The following TMEM178B variants were observed in gnomAD, a reference collection of about 807,000 sequenced individuals.
TMEM178B encodes the protein transmembrane protein 178B.
TMEM178B carries 5 observed loss-of-function variants against 31.0 expected under a neutral mutation model. That is an observed-to-expected ratio of 0.16 (90% CI 0.08 to 0.34). The LOEUF is 0.34. TMEM178B is among the 10% of genes least tolerant of loss of function. TMEM178B has a pLI of 1.00. For missense variants in TMEM178B, 275 were observed against 400.3 expected, an observed-to-expected ratio of 0.69 and a Z score of 2.67; for synonymous variants, 164 against 164.0, an observed-to-expected ratio of 1.00 and a Z score of 0.00.
At chr7:141,392,655 T>C (rs1800564671) in intron 2 of TMEM178B, among the ~76,000 whole-genome samples, 1 of 152,186 alleles carries the variant, frequency 6.6e-6, no homozygotes, top group African/African-American at 2.4e-5. Context: ...TGGTTGGGTT[T>C]CTTTTTCCAA....
At chr7:141,137,924 G>A (rs1383878268) in intron 1 of TMEM178B, among the ~76,000 whole-genome samples, 1 of 152,160 alleles carries the variant, frequency 6.6e-6, no homozygotes, top group Non-Finnish European at 1.5e-5. Context: ...GTTGTATGAT[G>A]GAAGGGGGCT....
intron 2 of TMEM178B, among the ~76,000 whole-genome samples, chr7:141,385,276 T>C (rs954919591): frequency 1.3e-5 from 2 of 152,206 alleles, no homozygotes; most frequent in Non-Finnish European, 2.9e-5. Flanking sequence ...TCAAACAGTA[T>C]GTTGAAAGAA....
intron 1 of TMEM178B, among the ~76,000 whole-genome samples, chr7:141,103,278 AG>A (rs1290795144): frequency 6.6e-6 from 1 of 152,164 alleles, no homozygotes; most frequent in Non-Finnish European, 1.5e-5. Flanking sequence ...TAGGAAAGAG[AG>A]GGGCAGTTGA....
At chr7:141,417,892 A>G (rs902052356) in intron 2 of TMEM178B, among the ~76,000 whole-genome samples, 10 of 152,180 alleles carry the variant, frequency 6.6e-5, no homozygotes, top group African/African-American at 2.4e-4. Context: ...ACTGAGGCCC[A>G]ATGATATTAA....
chr7:141,335,555 C>T (rs899908289), intron 2 of TMEM178B, among the ~76,000 whole-genome samples: 3 of 152,126 alleles, frequency 2.0e-5, no homozygotes, highest in Non-Finnish European at 4.4e-5. Context: ...CACCCAAATT[C>T]CCCCAGCTCA....
intron 2 of TMEM178B, among the ~76,000 whole-genome samples, chr7:141,358,404 T>TA (rs1412524270): frequency 6.6e-6 from 1 of 152,198 alleles, no homozygotes; most frequent in African/African-American, 2.4e-5. Context: ...AAGAAACCTC[T>TA]ATGTCTTTTC....
chr7:141,109,873 C>T (rs1197165769), intron 1 of TMEM178B, among the ~76,000 whole-genome samples: 1 of 151,940 alleles, frequency 6.6e-6, no homozygotes, highest in Non-Finnish European at 1.5e-5. Flanking sequence ...TCAAGGAGTT[C>T]AAGGCTGCAG....
At position 141,477,213 on chromosome 7, in the gene TMEM178B, C is replaced by T. The variant is rs1406104445; in HGVS notation, c.*6427C>T. The T allele has an allele frequency of 1.3e-5, 2 of 154,850 alleles. No homozygotes were observed. The allele number at this position is 154,850 out of a possible 1,614,324, so 9.6% of individuals were successfully genotyped here. A position where few individuals can be genotyped will look rare whatever the true frequency, so the allele number is the denominator to read the frequency against. On this transcript the variant is annotated 3_prime_UTR_variant, in exon 4 of 4. Coordinates refer to ENST00000565468, the MANE Select transcript of TMEM178B (RefSeq NM_001195278.2). ...TGAACTCATTCTCATACTCCTTCCC[C>T]ATTTCCACCCATGGTGTGACTGTTT...
At chr7:141,272,598 C>T (rs1208959153) in intron 2 of TMEM178B, among the ~76,000 whole-genome samples, 1 of 152,166 alleles carries the variant, frequency 6.6e-6, no homozygotes, top group Non-Finnish European at 1.5e-5. Flanking sequence ...CCTGAGAGCC[C>T]CAGTGCTGGG....
At chr7:141,186,545 T>C (rs1796612584) in intron 1 of TMEM178B, among the ~76,000 whole-genome samples, 1 of 152,232 alleles carries the variant, frequency 6.6e-6, no homozygotes, top group African/African-American at 2.4e-5. Context: ...TTGTTTGTTT[T>C]CCTTGACACC....
At chr7:141,114,664 G>A (rs908838199) in intron 1 of TMEM178B, among the ~76,000 whole-genome samples, 2 of 152,272 alleles carry the variant, frequency 1.3e-5, no homozygotes, top group East Asian at 3.9e-4. Flanking sequence ...TTAATGTGCC[G>A]GTGCACTGGC....
Position 141,215,823 on chromosome 7 carries a change from TTTC to T in TMEM178B, c.496+3122_496+3124del, listed in dbSNP as rs1287538299. Among the ~76,000 whole-genome samples the T allele has an allele frequency of 5.9e-4, 43 of 72,812 alleles. 1 individual carries two copies. The highest frequency in any genetic ancestry group is 2.1e-3 in the South Asian group (5 of 2,348). The allele number at this position is 72,812 out of a possible 152,430, so 47.8% of individuals were successfully genotyped here. ...CTTTCTTTCTTTCTTTCTTTCTTTC[TTTC>T]TTTCTTTCTTTCTTTTCTTTTCTTT... On this transcript the variant is annotated intron_variant, in intron 2 of 3. Coordinates refer to ENST00000565468, the MANE Select transcript of TMEM178B (RefSeq NM_001195278.2).
At chr7:141,482,785 C>G (rs1360772950), downstream of TMEM178B, among the ~76,000 whole-genome samples, 1 of 152,088 alleles carries the variant, frequency 6.6e-6, no homozygotes, top group Non-Finnish European at 1.5e-5. Flanking sequence ...TCCAGTTGTC[C>G]CCTCCAGTGG....
chr7:141,225,391 T>A (rs1252515684), intron 2 of TMEM178B, among the ~76,000 whole-genome samples: 1 of 151,792 alleles, frequency 6.6e-6, no homozygotes, highest in African/African-American at 2.4e-5. Flanking sequence ...CACTTCTCAG[T>A]TTTTCTTTTT....
chr7:141,229,475 A>G (rs1470584061), intron 2 of TMEM178B, among the ~76,000 whole-genome samples: 1 of 152,052 alleles, frequency 6.6e-6, no homozygotes, highest in South Asian at 2.1e-4. Context: ...TCATTACATT[A>G]ATGGTTTCCC....
the TMEM178B span, among the ~76,000 whole-genome samples, chr7:141,486,635 C>T: frequency 2.0e-5 from 3 of 152,118 alleles, no homozygotes; most frequent in African/African-American, 4.8e-5. Context: ...TAATTCTCCC[C>T]CTCCATGGCC....
chr7:141,215,798 CTTTCTTTCT>C (rs1797126432), intron 2 of TMEM178B, among the ~76,000 whole-genome samples: 1 of 90,972 alleles, frequency 1.1e-5, no homozygotes, highest in East Asian at 3.1e-4. Flanking sequence ...TTCTTTCTTT[CTTTCTTTCT>C]TTCTTTCTTT....
the TMEM178B span, among the ~76,000 whole-genome samples, chr7:141,509,160 G>C: frequency 6.6e-6 from 1 of 152,152 alleles, no homozygotes; most frequent in Non-Finnish European, 1.5e-5. Flanking sequence ...ATGGGAGAGA[G>C]GGAGAACTTA....
intron 2 of TMEM178B, among the ~76,000 whole-genome samples, chr7:141,329,996 T>A (rs2116488731): frequency 6.6e-6 from 1 of 152,272 alleles, no homozygotes. Flanking sequence ...GGAGATACAC[T>A]AGGACTGTCA....
Sources: allele counts gnomAD v4.1 joint callset (sites outside exome capture counted in the v4.1 genomes callset), GRCh38; gene constraint gnomAD v4.1.1; transcripts MANE v1.5; gene names NCBI Gene and HGNC (gene_info 2026-07-23, HGNC 2026-07-21).